Variants in ETFBKMT observed in about 807,000 individuals in gnomAD.
The protein encoded by ETFBKMT is electron transfer flavoprotein subunit beta lysine methyltransferase.
A neutral mutation model predicts 18.3 loss-of-function variants in ETFBKMT; 13 were observed. The ratio of observed to expected loss-of-function variants is 0.71; its 90% confidence interval spans 0.46 to 1.13. The LOEUF is 1.13. Among genes scored for constraint, ETFBKMT ranks in the 50% most tolerant of loss-of-function variants. The pLI is 0.00. For synonymous variants in ETFBKMT, 84 were observed against 107.9 expected (o/e 0.78, Z 1.37); for missense variants, 293 against 306.2 (o/e 0.96, Z 0.32).
chr12:31,661,880 C>G lies in ETFBKMT; in HGVS notation c.-74C>G. On this transcript the variant is annotated 5_prime_UTR_variant, in exon 2 of 4. Transcript: ENST00000357721. ...GTTGAGATCAAGTTGGGAGACACAC[C>G]CTTGTTCATTCTCCTTGAGAAGCAG... 7.2e-7 allele frequency: 1 copy of G among 1,398,152 alleles called. No individual in the cohort carries two copies. The highest frequency in any genetic ancestry group is 9.9e-7 in the Non-Finnish European group (1 of 1,007,930). 86.6% of individuals were successfully genotyped at this position (1,398,152 alleles called of 1,614,324 possible).
rs1951283902 is a variant in ETFBKMT at position 31,672,048 on chromosome 12, TC to T, written c.*4059del. 2.8e-6 allele frequency: 1 copy of T among 359,608 alleles called. No individual in the cohort carries two copies. Among genetic ancestry groups the T allele is most frequent in the Non-Finnish European group, 5.1e-6 (1 of 197,826 alleles). 22.3% of individuals were successfully genotyped at this position (359,608 alleles called of 1,614,324 possible). A position where few individuals can be genotyped will look rare whatever the true frequency, so the allele number is the denominator to read the frequency against. On this transcript the variant is annotated 3_prime_UTR_variant, in exon 4 of 4. Transcript: ENST00000357721. ...AGAATCCAACACCATAGATCAGAGT[TC>T]ATGCTAGGATTATCATTTCAAAAAT... is the stretch of plus-strand genomic sequence containing the variant.
chr12:31,672,414 A>T lies in ETFBKMT; in HGVS notation c.*4424A>T. ...AACAATGACAATATATTAATTGACA[A>T]TAAAAAATGTTTAATGTTTCCTCAT... is the stretch of plus-strand genomic sequence containing the variant. On this transcript the variant is annotated 3_prime_UTR_variant, in exon 4 of 4. Coordinates refer to ENST00000357721, the MANE Select transcript of ETFBKMT (RefSeq NM_001135863.2). 1 of 1,404,736 alleles carries T rather than the reference A, an allele frequency of 7.1e-7. No homozygotes were observed. The highest frequency in any genetic ancestry group is 9.9e-7 in the Non-Finnish European group (1 of 1,013,374). 87.0% of individuals were successfully genotyped at this position (1,404,736 alleles called of 1,614,324 possible).
upstream of ETFBKMT, among the ~76,000 whole-genome samples, chr12:31,658,394 A>G (rs1459939160): frequency 1.3e-5 from 2 of 152,250 alleles, no homozygotes; most frequent in Admixed American, 1.3e-4. Context: ...CAAGGTGTAT[A>G]GCTTATCAAC....
At chr12:31,654,022 G>T (rs1250283983) in intron 1 of ETFBKMT, among the ~76,000 whole-genome samples, 1 of 152,074 alleles carries the variant, frequency 6.6e-6, no homozygotes, top group Non-Finnish European at 1.5e-5. Flanking sequence ...ATACAATGAT[G>T]GTGGAAATGT....
rs1198919872 is a variant in ETFBKMT, at chr12:31,669,495, C to A, written c.*1505C>A. On this transcript the variant is annotated 3_prime_UTR_variant, in exon 4 of 4. Transcript: ENST00000357721. ...CTGGTAAAATAGTTTCCCTTGAGAA[C>A]TGGCTTTTGTTAAGGAGAACTGAAC... The A allele has an allele frequency of 6.6e-6, 1 of 152,204 alleles. No individual in the cohort carries two copies. Among genetic ancestry groups the A allele is most frequent in the Non-Finnish European group, 1.5e-5 (1 of 68,056 alleles). The allele number at this position is 152,204 out of a possible 1,614,324, so 9.4% of individuals were successfully genotyped here.
At chr12:31,648,526 T>A (rs1015096141) in intron 1 of ETFBKMT, among the ~76,000 whole-genome samples, 1 of 148,712 alleles carries the variant, frequency 6.7e-6, no homozygotes. Context: ...CATGCCCAGC[T>A]AATTTTTATA....
At chr12:31,654,458 A>C (rs540141590), upstream of ETFBKMT, among the ~76,000 whole-genome samples, 31 of 152,382 alleles carry the variant, frequency 2.0e-4, no homozygotes, top group South Asian at 6.4e-3. Flanking sequence ...AAGTCTGTAC[A>C]AAGACTTGTA....
chr12:31,661,580 A>G (rs899448711), intron 1 of ETFBKMT, among the ~76,000 whole-genome samples: 60 of 152,032 alleles, frequency 3.9e-4, no homozygotes, highest in African/African-American at 1.3e-3. Context: ...GGTTCAAGCA[A>G]TTCTCAAGTA....
intron 1 of ETFBKMT, among the ~76,000 whole-genome samples, chr12:31,648,557 C>CT (rs764501978): frequency 0.34 from 27,357 of 81,306 alleles, 6,320 homozygotes; most frequent in East Asian, 0.49. Context: ...AGATGGGTTT[C>CT]TTTTTTTTTT....
chr12:31,664,939 CTTTTTTTT>C (rs57572915), intron 2 of ETFBKMT, among the ~76,000 whole-genome samples: 1 of 121,494 alleles, frequency 8.2e-6, no homozygotes, highest in Non-Finnish European at 1.7e-5. Flanking sequence ...TTCTTTCTTT[CTTTTTTTT>C]TTTTTTTGAG....
At chr12:31,654,814 G>A (rs1194256519), upstream of ETFBKMT, among the ~76,000 whole-genome samples, 3 of 152,088 alleles carry the variant, frequency 2.0e-5, no homozygotes, top group African/African-American at 4.8e-5. Context: ...CCAGCACTTC[G>A]GGAGGCTGAG....
rs776723811 is a variant in ETFBKMT, at chr12:31,667,790, G to C, written c.589G>C (p.Asp197His). 1 of 1,614,196 alleles carries C rather than the reference G, an allele frequency of 6.2e-7. No homozygotes were observed. Among genetic ancestry groups the C allele is most frequent in the South Asian group, 1.1e-5 (1 of 91,090 alleles). The change falls in exon 4 of 4, where the codon GAT becomes CAT. Residue 197 changes from aspartate (D) to histidine (H), a missense_variant. Asp to His is a moderately conservative substitution (Grantham distance 81, BLOSUM62 -1). Coordinates refer to ENST00000357721, the MANE Select transcript of ETFBKMT (RefSeq NM_001135863.2). ...TATGTTTTATGATGAAGACCTTGCA[G>C]ATAGTCTTCATCAGTGGCTGAAGAA... ...GDMFYDEDLA[D>H]SLHQWLKKCF...
Position 31,662,153 on chromosome 12 carries a change from T to G in ETFBKMT, c.200T>G (p.Ile67Ser), listed in dbSNP as rs1453381754. The G allele has an allele frequency of 5.6e-6, 9 of 1,614,068 alleles. No homozygotes were observed. Among genetic ancestry groups the G allele is most frequent in the African/African-American group, 2.7e-5 (2 of 74,918 alleles). The change falls in exon 2 of 4, where the codon ATC becomes AGC. Residue 67 changes from isoleucine to serine, a missense_variant. Physicochemically the swap from Ile to Ser is moderately radical, Grantham distance 142 (BLOSUM62 -2). Transcript: ENST00000357721. Reference sequence around the variant, plus strand: ...AGCAGTGGTAGCCTCACCCCTGAAATCCAGTTGCGGCTTTTGACCCCCAGA... The same window carrying G: ...AGCAGTGGTAGCCTCACCCCTGAAAGCCAGTTGCGGCTTTTGACCCCCAGA... ...VTSSGSLTPE[I>S]QLRLLTPRCK...
At chr12:31,654,088 C>T (rs114659543) in intron 1 of ETFBKMT, among the ~76,000 whole-genome samples, 10,181 of 152,232 alleles carry the variant, frequency 0.067, 444 homozygotes, top group African/African-American at 0.12. Flanking sequence ...CTCACCCTGT[C>T]GTCCAGGCTG....
rs140131797 is a variant in ETFBKMT at position 31,667,910 on chromosome 12, G to A, written c.709G>A (p.Val237Ile). Residue 237 changes from valine to isoleucine, a missense_variant, in exon 4 of 4, where the codon GTA (valine) becomes ATA (isoleucine). Coordinates refer to ENST00000357721, the MANE Select transcript of ETFBKMT (RefSeq NM_001135863.2). ...CATTCAGCATCACCTGCACAAAGTG[G>A]TAGAATATTCACTTTTGGAGTCTAC... ...HSIQHHLHKV[V>I]EYSLLESTRQ... 2,804 of 1,614,166 alleles carry A rather than the reference G, an allele frequency of 1.7e-3. 3 individuals carry two copies. Among genetic ancestry groups the A allele is most frequent in the Non-Finnish European group, 2.2e-3 (2,630 of 1,180,018 alleles).
intron 1 of ETFBKMT, among the ~76,000 whole-genome samples, chr12:31,651,829 T>C (rs7134951): frequency 0.24 from 36,250 of 152,116 alleles, 4,916 homozygotes; most frequent in Non-Finnish European, 0.32. Context: ...AAGGCTTTTC[T>C]TTTTCATGAA....
In ETFBKMT at chr12:31,653,403, G is replaced by T. The variant is rs1021697040; in HGVS notation, c.-114+6148G>T. ...AGTTAGCTGAAGATTTCTGGGTTTTGCAGGGAGTGAGGATTCTAGTGTCAG... is the reference window on the plus strand; with the variant it reads ...AGTTAGCTGAAGATTTCTGGGTTTTTCAGGGAGTGAGGATTCTAGTGTCAG... On this transcript the variant is annotated intron_variant, in intron 1 of 3. Coordinates refer to the ETFBKMT transcript ENST00000412352. 2.1e-5 allele frequency among the ~76,000 whole-genome samples: 3 copies of T among 139,814 alleles called. No individual in the cohort carries two copies. In the East Asian group the frequency reaches 9.1e-4, roughly 42 times the overall value. 91.7% of individuals were successfully genotyped at this position (139,814 alleles called of 152,430 possible). A position where few individuals can be genotyped will look rare whatever the true frequency, so the allele number is the denominator to read the frequency against.
At position 31,668,176 on chromosome 12, in the gene ETFBKMT, C is replaced by T. The variant is rs190178706; in HGVS notation, c.*186C>T. 7 of 560,910 alleles carry T rather than the reference C, an allele frequency of 1.2e-5. No individual in the cohort carries two copies. The highest frequency in any genetic ancestry group is 3.5e-5 in the Admixed American group (1 of 28,524). The allele number at this position is 560,910 out of a possible 1,614,324, so 34.7% of individuals were successfully genotyped here. On this transcript the variant is annotated 3_prime_UTR_variant, in exon 4 of 4. Coordinates refer to ENST00000357721, the MANE Select transcript of ETFBKMT (RefSeq NM_001135863.2). ...ATGTAACTGGTTCTGTATTTCTATGCATGCCAATTATACACATCTCTATCT... is the reference window on the plus strand; with the variant it reads ...ATGTAACTGGTTCTGTATTTCTATGTATGCCAATTATACACATCTCTATCT...
At chr12:31,666,262 T>G (rs754080306) in intron 3 of ETFBKMT, 45 bp downstream of exon 3, 2 of 1,574,206 alleles carry the variant, frequency 1.3e-6, no homozygotes, top group Non-Finnish European at 1.7e-6. Flanking sequence ...TCTTTTTTTT[T>G]TCTCTGGGAT....
Sources: allele counts gnomAD v4.1 joint callset (sites outside exome capture counted in the v4.1 genomes callset), GRCh38; gene constraint gnomAD v4.1.1; transcripts MANE v1.5; gene names NCBI Gene and HGNC (gene_info 2026-07-23, HGNC 2026-07-21).